The following GRAMD4 variants were observed in gnomAD, a reference collection of about 807,000 sequenced individuals.
GRAMD4 encodes GRAM domain containing 4.
Under a neutral mutation model 83.9 loss-of-function variants are expected in GRAMD4, and 25 were observed. The ratio of observed to expected loss-of-function variants is 0.30; its 90% confidence interval spans 0.22 to 0.42. The LOEUF (loss-of-function observed/expected upper bound fraction) is 0.42, where lower values mean the gene tolerates loss of function less well. Ranked by LOEUF, GRAMD4 falls within the 10% of genes least tolerant of loss-of-function variation. GRAMD4 has a pLI of 1.00. For synonymous variants in GRAMD4, 336 were observed against 320.9 expected (o/e 1.05, Z -0.50); for missense variants, 593 against 788.7 (o/e 0.75, Z 2.97).
At chr22:46,605,329 A>G (rs2081354667) in intron 1 of GRAMD4, among the ~76,000 whole-genome samples, 2 of 152,348 alleles carry the variant, frequency 1.3e-5, no homozygotes, top group South Asian at 2.1e-4. Flanking sequence ...TGGATGGGCC[A>G]CATGTTGCTT....
chr22:46,666,990 A>AGTCCT, intron 10 of GRAMD4, 117 bp downstream of exon 10: 11 of 698,088 alleles, frequency 1.6e-5, no homozygotes, highest in Admixed American at 3.2e-5. Flanking sequence ...ATCCCCCTGG[A>AGTCCT]GTCCTGGCCT....
At chr22:46,615,017 G>A (rs1416774067) in intron 1 of GRAMD4, among the ~76,000 whole-genome samples, 3 of 108,304 alleles carry the variant, frequency 2.8e-5, no homozygotes, top group South Asian at 3.9e-4. Flanking sequence ...TCCCCTGTGC[G>A]TGTGGGTTCC....
Position 46,679,644 on chromosome 22 carries a change from A to C in GRAMD4, c.*2393A>C, listed in dbSNP as rs895700886. ...ATCATTGCCAGTGTGACTTTTGTTC[A>C]ACAAAAGGATTGTACTGTATTAAGA... is the stretch of plus-strand genomic sequence containing the variant. On this transcript the variant is annotated 3_prime_UTR_variant, in exon 19 of 19. Coordinates refer to ENST00000406902, the MANE Select transcript of GRAMD4 (RefSeq NM_015124.5). 5 of 983,484 alleles carry C rather than the reference A, an allele frequency of 5.1e-6. No homozygotes were observed. In the African/African-American group the frequency reaches 8.7e-5, roughly 17 times the overall value. 60.9% of individuals were successfully genotyped at this position (983,484 alleles called of 1,614,324 possible). A position where few individuals can be genotyped will look rare whatever the true frequency, so the allele number is the denominator to read the frequency against.
intron 3 of GRAMD4, among the ~76,000 whole-genome samples, chr22:46,646,846 G>C (rs914754064): frequency 1.3e-5 from 2 of 152,216 alleles, no homozygotes; most frequent in Admixed American, 6.5e-5. Context: ...CCACATGGCT[G>C]GGGAGGCCTC....
At chr22:46,673,837 G>A (rs1354152570) in intron 15 of GRAMD4, 23 bp downstream of exon 15, 2 of 1,611,450 alleles carry the variant, frequency 1.2e-6, no homozygotes, top group Non-Finnish European at 1.7e-6. Flanking sequence ...TGAGTCTGAG[G>A]CCAGGCCGAG....
At chr22:46,654,802 T>C (rs890702701) in intron 3 of GRAMD4, among the ~76,000 whole-genome samples, 2 of 152,200 alleles carry the variant, frequency 1.3e-5, no homozygotes, top group African/African-American at 4.8e-5. Flanking sequence ...GAACAGATGG[T>C]GACACCGGGG....
chr22:46,636,028 A>C (rs545745115), intron 2 of GRAMD4, among the ~76,000 whole-genome samples: 137 of 151,788 alleles, frequency 9.0e-4, no homozygotes, highest in Admixed American at 1.4e-3. Context: ...TGTCAGAGCC[A>C]CCTTCATGGG....
chr22:46,616,868 C>CTG (rs1569263242), upstream of GRAMD4, among the ~76,000 whole-genome samples: 63 of 20,360 alleles, frequency 3.1e-3, 11 homozygotes, highest in East Asian at 0.1. Flanking sequence ...GTAGGTTCCC[C>CTG]CGTGTGTAGG....
At chr22:46,583,620 A>G (rs544114243) in intron 1 of GRAMD4, among the ~76,000 whole-genome samples, 1 of 152,348 alleles carries the variant, frequency 6.6e-6, no homozygotes, top group South Asian at 2.1e-4. Context: ...TGTTTGAACA[A>G]TTGGAATTCC....
Position 46,668,922 on chromosome 22 carries a change from C to T in GRAMD4, c.1084+14C>T. On this transcript the variant is annotated intron_variant, in intron 13 of 18. Transcript: ENST00000406902. ...GGCTTGCCGTGGGTAAGTAGATGCA[C>T]CTGCGGCCTGTAGCTTCAGGAGGAG... The T allele has an allele frequency of 6.9e-7, 1 of 1,454,846 alleles. No individual in the cohort carries two copies. The highest frequency in any genetic ancestry group is 9.6e-7 in the Non-Finnish European group (1 of 1,038,274). 90.1% of individuals were successfully genotyped at this position (1,454,846 alleles called of 1,614,324 possible). A position where few individuals can be genotyped will look rare whatever the true frequency, so the allele number is the denominator to read the frequency against.
intron 1 of GRAMD4, among the ~76,000 whole-genome samples, chr22:46,591,053 C>CT (rs2081201794): frequency 8.0e-6 from 1 of 125,166 alleles, no homozygotes; most frequent in Non-Finnish European, 1.7e-5. Context: ...GAGCAAGACT[C>CT]TGTCTAAAAA....
rs138100897 is a variant in GRAMD4 at position 46,622,555 on chromosome 22, C to T, written c.-50+1990C>T. On this transcript the variant is annotated intron_variant, in intron 1 of 18. Transcript: ENST00000406902. The surrounding 1 kb of genome is among the most constrained non-coding windows in gnomAD (Gnocchi z 4.0). ...TGAGCAGAGTTTCAGTTAGACAAGA[C>T]GAGTCCGGAGGCAGCCGCTCAGCAT... Among the ~76,000 whole-genome samples the T allele has an allele frequency of 1.7e-4, 26 of 152,272 alleles. No homozygotes were observed. In the East Asian group the frequency reaches 1.9e-3, roughly 11 times the overall value.
intron 3 of GRAMD4, among the ~76,000 whole-genome samples, chr22:46,657,409 G>A (rs576535427): frequency 2.6e-5 from 4 of 152,338 alleles, no homozygotes; most frequent in African/African-American, 9.6e-5. Flanking sequence ...TGGGGCAGAG[G>A]AAGCGGGAGA....
chr22:46,678,898 C>T lies in GRAMD4; in HGVS notation c.*1647C>T, dbSNP rs892569247. ...ATCCCAGGCGGTGGAGCGGAGCCCC[C>T]GTGGCTCTGGACTGCGCGGACGTTG... On this transcript the variant is annotated 3_prime_UTR_variant, in exon 19 of 19. Transcript: ENST00000406902. 9.1e-6 allele frequency: 9 copies of T among 985,776 alleles called. No individual in the cohort carries two copies. Among genetic ancestry groups the T allele is most frequent in the South Asian group, 9.4e-5 (2 of 21,302 alleles). The allele number at this position is 985,776 out of a possible 1,614,324, so 61.1% of individuals were successfully genotyped here. A position where few individuals can be genotyped will look rare whatever the true frequency, so the allele number is the denominator to read the frequency against.
intron 1 of GRAMD4, among the ~76,000 whole-genome samples, chr22:46,581,258 A>G (rs888255858): frequency 6.6e-6 from 1 of 152,260 alleles, no homozygotes; most frequent in African/African-American, 2.4e-5. Context: ...CATTAATAAT[A>G]GTAATAGAAA....
At position 46,640,125 on chromosome 22, in the gene GRAMD4, G is replaced by A. The variant is rs76246162; in HGVS notation, c.283+2165G>A. ...GCCTGGAGAGCATAGCTCAGCAGAC[G>A]CTAGTTAAGTCATCAACCACCAGAG... On this transcript the variant is annotated intron_variant, in intron 3 of 18. Coordinates refer to ENST00000406902, the MANE Select transcript of GRAMD4 (RefSeq NM_015124.5). Among the ~76,000 whole-genome samples the A allele has an allele frequency of 3.7e-3, 566 of 152,356 alleles. 4 individuals are homozygous for A. Among genetic ancestry groups the A allele is most frequent in the South Asian group, 0.011 (53 of 4,830 alleles).
intron 2 of GRAMD4, among the ~76,000 whole-genome samples, chr22:46,630,650 G>A (rs781190473): frequency 6.6e-6 from 1 of 152,250 alleles, no homozygotes; most frequent in African/African-American, 2.4e-5. Context: ...ACCCCAAGCA[G>A]CCTCACTCCT....
At chr22:46,606,737 G>T (rs2081369470) in intron 1 of GRAMD4, among the ~76,000 whole-genome samples, 1 of 152,268 alleles carries the variant, frequency 6.6e-6, no homozygotes, top group African/African-American at 2.4e-5. Context: ...CATGCCCAGT[G>T]CTGAGCATCT....
At chr22:46,619,150 G>A (rs142831865), upstream of GRAMD4, among the ~76,000 whole-genome samples, 6 of 152,296 alleles carry the variant, frequency 3.9e-5, no homozygotes, top group East Asian at 7.7e-4. Flanking sequence ...GTTGTGAGCC[G>A]ACCTCTTGAG....
Sources: allele counts gnomAD v4.1 joint callset (sites outside exome capture counted in the v4.1 genomes callset), GRCh38; gene constraint gnomAD v4.1.1; non-coding constraint Gnocchi (gnomAD v3.1); transcripts MANE v1.5; gene names NCBI Gene and HGNC (gene_info 2026-07-23, HGNC 2026-07-21).